Variants in BABAM2 observed in about 807,000 individuals in gnomAD.
The protein encoded by BABAM2 is BRISC and BRCA1-A complex member 2.
A neutral mutation model predicts 54.7 loss-of-function variants in BABAM2; 31 were observed. That is an observed-to-expected ratio of 0.57 (90% CI 0.43 to 0.77). The LOEUF (loss-of-function observed/expected upper bound fraction) is 0.77. Ranked by LOEUF, BABAM2 falls within the 30% of genes least tolerant of loss-of-function variation. The probability of loss-of-function intolerance (pLI) is 0.00; values close to 1 mark genes in which losing one functional copy is unlikely to be tolerated. For missense variants in BABAM2, 364 were observed against 455.8 expected (o/e 0.80, Z 1.83); for synonymous variants, 167 against 162.9 (o/e 1.03, Z -0.19).
At chr2:28,102,376 C>T (rs148869616) in intron 6 of BABAM2, among the ~76,000 whole-genome samples, 99 of 152,236 alleles carry the variant, frequency 6.5e-4, no homozygotes, top group African/African-American at 2.3e-3. Flanking sequence ...CTAAAACATA[C>T]TTATTCTCAT....
chr2:27,893,700 G>C (rs760529137), intron 1 of BABAM2, among the ~76,000 whole-genome samples: 7 of 152,230 alleles, frequency 4.6e-5, no homozygotes, highest in South Asian at 2.1e-4. Flanking sequence ...ATTAAGAAAG[G>C]TGTATCAGCA....
intron 6 of BABAM2, among the ~76,000 whole-genome samples, chr2:28,119,954 A>C (rs1284886961): frequency 1.3e-5 from 2 of 152,202 alleles, no homozygotes; most frequent in Admixed American, 1.3e-4. Context: ...GAATGGCCCT[A>C]ACTGTACATT....
intron 10 of BABAM2, among the ~76,000 whole-genome samples, chr2:28,269,409 G>A (rs1167039460): frequency 1.3e-5 from 2 of 152,194 alleles, no homozygotes; most frequent in Admixed American, 6.5e-5. Context: ...AAATGGACTG[G>A]GGTTATCAGA....
intron 7 of BABAM2, among the ~76,000 whole-genome samples, chr2:28,172,776 T>C (rs1056882981): frequency 6.6e-6 from 1 of 152,180 alleles, no homozygotes; most frequent in Non-Finnish European, 1.5e-5. Context: ...AAATATGCTT[T>C]CCGGGAGTTT....
At chr2:28,000,165 T>C (rs1018373630) in intron 4 of BABAM2, among the ~76,000 whole-genome samples, 10 of 152,206 alleles carry the variant, frequency 6.6e-5, no homozygotes, top group Non-Finnish European at 1.3e-4. Context: ...GTCCGTACTT[T>C]ATTCCGATTT....
chr2:27,979,937 T>C (rs549187948), intron 3 of BABAM2, among the ~76,000 whole-genome samples: 1 of 152,308 alleles, frequency 6.6e-6, no homozygotes, highest in East Asian at 1.9e-4. Context: ...TGATACCTTC[T>C]AAAAATTGTC....
At chr2:28,224,955 C>T (rs777815736) in intron 7 of BABAM2, among the ~76,000 whole-genome samples, 28 of 150,912 alleles carry the variant, frequency 1.9e-4, no homozygotes, top group Non-Finnish European at 3.7e-4. Context: ...CTGTGCCAAA[C>T]GGTGCAATGT....
intron 7 of BABAM2, among the ~76,000 whole-genome samples, chr2:28,146,943 T>A (rs969915916): frequency 2.0e-5 from 3 of 152,128 alleles, no homozygotes; most frequent in African/African-American, 7.2e-5. Context: ...AAACCTGAAA[T>A]TGGACTAGGA....
At chr2:28,317,236 T>C (rs1438807913) in intron 11 of BABAM2, among the ~76,000 whole-genome samples, 1 of 152,176 alleles carries the variant, frequency 6.6e-6, no homozygotes, top group African/African-American at 2.4e-5. Context: ...CGTCCTGCGG[T>C]TGAGATGGAA....
intron 7 of BABAM2, among the ~76,000 whole-genome samples, chr2:28,219,551 C>A (rs1680207262): frequency 6.6e-6 from 1 of 152,056 alleles, no homozygotes; most frequent in Non-Finnish European, 1.5e-5. Context: ...TTCATAGCTT[C>A]CAGAAATGAG....
At chr2:28,014,934 T>G (rs1402269480) in intron 4 of BABAM2, among the ~76,000 whole-genome samples, 1 of 152,228 alleles carries the variant, frequency 6.6e-6, no homozygotes, top group African/African-American at 2.4e-5. Flanking sequence ...TTTAAAATAA[T>G]TCCTTTCCCA....
At chr2:28,154,751 C>T (rs1043633821) in intron 7 of BABAM2, among the ~76,000 whole-genome samples, 3 of 152,066 alleles carry the variant, frequency 2.0e-5, no homozygotes, top group African/African-American at 7.2e-5. Flanking sequence ...TTTCACAGGA[C>T]AAGATACTTG....
At chr2:27,916,497 G>C (rs1295427928) in intron 2 of BABAM2, among the ~76,000 whole-genome samples, 1 of 152,168 alleles carries the variant, frequency 6.6e-6, no homozygotes, top group Non-Finnish European at 1.5e-5. Flanking sequence ...TCTGTAACTT[G>C]TTTGACCTTG....
Position 27,988,019 on chromosome 2 carries a change from C to T in BABAM2, c.232C>T (p.Pro78Ser). Residue 78 changes from proline to serine, a missense_variant, in exon 4 of 12, where the codon CCA becomes TCA. Physicochemically the swap from Pro to Ser is moderately conservative, Grantham distance 74. Transcript: ENST00000379624. ...GGATATCATTTTCAATGCCCAATAC[C>T]CAGAACTGCCTCCCGATTTTATCTT... ...KWDIIFNAQY[P>S]ELPPDFIFGE... The T allele has an allele frequency of 6.2e-7, 1 of 1,613,266 alleles. No individual in the cohort carries two copies. The highest frequency in any genetic ancestry group is 8.5e-7 in the Non-Finnish European group (1 of 1,179,450).
At chr2:27,942,462 G>T (rs1163382970) in intron 3 of BABAM2, among the ~76,000 whole-genome samples, 1 of 151,744 alleles carries the variant, frequency 6.6e-6, no homozygotes, top group Non-Finnish European at 1.5e-5. Flanking sequence ...CCTGGCTCAA[G>T]CAATCCCTCC....
intron 3 of BABAM2, among the ~76,000 whole-genome samples, chr2:27,942,389 C>A (rs1471498639): frequency 6.6e-6 from 1 of 152,066 alleles, no homozygotes; most frequent in East Asian, 1.9e-4. Context: ...GAGACAGGGT[C>A]TCGCCATGTC....
chr2:28,286,374 A>G (rs931164109), intron 10 of BABAM2, among the ~76,000 whole-genome samples: 8 of 152,076 alleles, frequency 5.3e-5, no homozygotes, highest in Admixed American at 3.9e-4. Flanking sequence ...TTTTTTCCCT[A>G]GAAATGTTCA....
At chr2:28,018,468 A>C (rs1430648093) in intron 4 of BABAM2, among the ~76,000 whole-genome samples, 4 of 152,146 alleles carry the variant, frequency 2.6e-5, no homozygotes, top group Non-Finnish European at 5.9e-5. Context: ...GTAAGCATGC[A>C]TGTGTAAGTA....
intron 10 of BABAM2, among the ~76,000 whole-genome samples, chr2:28,260,184 C>T (rs1684369163): frequency 6.6e-6 from 1 of 150,830 alleles, no homozygotes. Context: ...GCGTGAGCCA[C>T]CACACCCAGC....
Sources: allele counts gnomAD v4.1 joint callset (sites outside exome capture counted in the v4.1 genomes callset), GRCh38; gene constraint gnomAD v4.1.1; transcripts MANE v1.5; gene names NCBI Gene and HGNC (gene_info 2026-07-23, HGNC 2026-07-21).